Variants in LRRTM4 observed in about 807,000 individuals in gnomAD.
The protein encoded by LRRTM4 is leucine-rich repeat transmembrane neuronal protein 4.
LRRTM4 carries 25 observed loss-of-function variants against 47.6 expected under a neutral mutation model. The observed-to-expected ratio is 0.53, with a 90% CI of 0.38 to 0.73. The LOEUF (loss-of-function observed/expected upper bound fraction) is 0.73, where lower values mean the gene tolerates loss of function less well. Ranked by LOEUF, LRRTM4 falls within the 30% of genes least tolerant of loss-of-function variation. LRRTM4 has a pLI of 0.00. For missense variants in LRRTM4, 638 were observed against 713.4 expected (o/e 0.89, Z 1.20); for synonymous variants, 311 against 269.5 (o/e 1.15, Z -1.51).
At position 77,447,090 on chromosome 2, in the gene LRRTM4, T is replaced by C. The variant is rs528091413; in HGVS notation, c.1551+71228A>G. Reference sequence around the variant, plus strand: ...TATAAGGAATGGGGTCGTTATTGCATATACAATGTGAATGAACATATGTAC... The same window carrying C: ...TATAAGGAATGGGGTCGTTATTGCACATACAATGTGAATGAACATATGTAC... On this transcript the variant is annotated intron_variant, in intron 3 of 3. Transcript: ENST00000409884. 3.5e-4 allele frequency among the ~76,000 whole-genome samples: 54 copies of C among 152,228 alleles called. 1 individual carries two copies. The South Asian group carries it at 9.8e-3, about 27-fold the overall frequency.
chr2:77,211,367 C>T (rs894316651), intron 3 of LRRTM4, among the ~76,000 whole-genome samples: 11 of 152,246 alleles, frequency 7.2e-5, no homozygotes, highest in African/African-American at 2.4e-4. Flanking sequence ...CTTCTCCTAG[C>T]CTCCTAATCA....
Position 76,842,721 on chromosome 2 carries a change from G to GT in LRRTM4, c.1552-93806dup, listed in dbSNP as rs569437708. 2.2e-3 allele frequency among the ~76,000 whole-genome samples: 325 copies of GT among 148,686 alleles called. 5 individuals are homozygous for GT. Among genetic ancestry groups the GT allele is most frequent in the Admixed American group, 0.019 (289 of 15,024 alleles). ...ATTTTCTTTTTTTAACTTTATAAAAGTTTTTTTTTGTTTGTTTGTCTGTTT... is the reference window on the plus strand; with the variant it reads ...ATTTTCTTTTTTTAACTTTATAAAAGTTTTTTTTTTGTTTGTTTGTCTGTTT... On this transcript the variant is annotated intron_variant, in intron 3 of 3. Transcript: ENST00000409884.
At chr2:77,155,459 A>G (rs1015776696) in intron 3 of LRRTM4, among the ~76,000 whole-genome samples, 8 of 151,988 alleles carry the variant, frequency 5.3e-5, no homozygotes, top group African/African-American at 1.4e-4. Flanking sequence ...ATAGAATCAA[A>G]CAAATGATAA....
At chr2:76,859,843 A>C (rs746262983) in intron 3 of LRRTM4, among the ~76,000 whole-genome samples, 24 of 152,282 alleles carry the variant, frequency 1.6e-4, no homozygotes, top group Non-Finnish European at 3.2e-4. Context: ...TAAATATTCC[A>C]ATCTTGTGTA....
chr2:77,145,013 C>T (rs1672217316), intron 3 of LRRTM4, among the ~76,000 whole-genome samples: 1 of 152,050 alleles, frequency 6.6e-6, no homozygotes, highest in Non-Finnish European at 1.5e-5. Flanking sequence ...ATGGGCAGCA[C>T]ACTAAACATA....
chr2:77,257,737 C>A (rs770091023), intron 3 of LRRTM4, among the ~76,000 whole-genome samples: 4 of 151,842 alleles, frequency 2.6e-5, no homozygotes, highest in Admixed American at 6.6e-5. Flanking sequence ...CACACACACA[C>A]ACACACACAC....
chr2:77,098,018 T>C (rs926365164), intron 3 of LRRTM4, among the ~76,000 whole-genome samples: 1 of 151,984 alleles, frequency 6.6e-6, no homozygotes, highest in African/African-American at 2.4e-5. Context: ...TAAAACTTAA[T>C]TGGGAAATAT....
chr2:77,005,391 C>A (rs574898881), intron 3 of LRRTM4, among the ~76,000 whole-genome samples: 2 of 152,288 alleles, frequency 1.3e-5, no homozygotes, highest in East Asian at 1.9e-4. Flanking sequence ...AATCCACCTG[C>A]CTTGGCCTCC....
intron 3 of LRRTM4, among the ~76,000 whole-genome samples, chr2:77,239,958 C>T (rs1467395355): frequency 6.6e-6 from 1 of 151,764 alleles, no homozygotes; most frequent in East Asian, 1.9e-4. Context: ...ACAGAACAAT[C>T]TACTGAATAT....
intron 3 of LRRTM4, among the ~76,000 whole-genome samples, chr2:77,118,785 C>T (rs1190852441): frequency 6.6e-6 from 1 of 151,742 alleles, no homozygotes; most frequent in East Asian, 1.9e-4. Flanking sequence ...ATCCATTTTT[C>T]ACCTTTCAAA....
intron 3 of LRRTM4, among the ~76,000 whole-genome samples, chr2:77,025,699 T>C (rs1480679499): frequency 2.0e-5 from 3 of 152,168 alleles, no homozygotes; most frequent in Admixed American, 6.5e-5. Context: ...TGTAGAATAT[T>C]TCTGGAGCCT....
intron 3 of LRRTM4, among the ~76,000 whole-genome samples, chr2:76,837,924 T>C (rs1671562328): frequency 7.5e-6 from 1 of 133,134 alleles, no homozygotes; most frequent in Admixed American, 8.0e-5. Context: ...CATCACACTC[T>C]GGGGACTGTT....
At chr2:77,015,799 A>AGGAGGATAAGAGAACATTTCT (rs1226413728) in intron 3 of LRRTM4, among the ~76,000 whole-genome samples, 1 of 152,122 alleles carries the variant, frequency 6.6e-6, no homozygotes. Flanking sequence ...ATGCTTACCA[A>AGGAGGATAAGAGAACATTTCT]GGAGGATAAG....
intron 3 of LRRTM4, among the ~76,000 whole-genome samples, chr2:77,365,026 A>G (rs1425359642): frequency 6.6e-6 from 1 of 152,072 alleles, no homozygotes. Context: ...AAACCTCTAC[A>G]TACTAAATTT....
At chr2:77,517,301 A>T in intron 3 of LRRTM4, 1 of 983,620 alleles carries the variant, frequency 1.0e-6, no homozygotes, top group Non-Finnish European at 1.2e-6. Context: ...GTACACCTTT[A>T]TTTGAGGCTG....
intron 3 of LRRTM4, among the ~76,000 whole-genome samples, chr2:77,152,788 AC>A (rs1672464557): frequency 6.6e-6 from 1 of 152,054 alleles, no homozygotes. Flanking sequence ...CTTCTATTTA[AC>A]CCCCACCCTT....
rs11437981 is a variant in LRRTM4 at position 76,748,540 on chromosome 2, G to GT, written c.*154dup. Reference sequence around the variant, plus strand: ...GTGCATTCGCTGCCCTCTTCAAGCAGTTTTTTTTTCTCTTTTTCTTTTCTC... The same window carrying GT: ...GTGCATTCGCTGCCCTCTTCAAGCAGTTTTTTTTTTCTCTTTTTCTTTTCTC... On this transcript the variant is annotated 3_prime_UTR_variant, in exon 4 of 4. Transcript: ENST00000409884. 0.14 allele frequency: 90,278 copies of GT among 628,770 alleles called. 5,341 individuals are homozygous for GT. Among genetic ancestry groups the GT allele is most frequent in the East Asian group, 0.24 (8,318 of 35,310 alleles). 38.9% of individuals were successfully genotyped at this position (628,770 alleles called of 1,614,324 possible). A position where few individuals can be genotyped will look rare whatever the true frequency, so the allele number is the denominator to read the frequency against.
At chr2:76,843,089 T>C (rs1032637628) in intron 3 of LRRTM4, among the ~76,000 whole-genome samples, 2 of 152,134 alleles carry the variant, frequency 1.3e-5, no homozygotes, top group African/African-American at 4.8e-5. Context: ...AGAATGTAGT[T>C]TTGCTTGCTT....
At chr2:76,818,043 G>C (rs1370958185) in intron 3 of LRRTM4, among the ~76,000 whole-genome samples, 1 of 151,952 alleles carries the variant, frequency 6.6e-6, no homozygotes, top group Non-Finnish European at 1.5e-5. Context: ...AGAGGATACA[G>C]ATGGCAATAG....
Sources: allele counts gnomAD v4.1 joint callset (sites outside exome capture counted in the v4.1 genomes callset), GRCh38; gene constraint gnomAD v4.1.1; transcripts MANE v1.5; gene names NCBI Gene and HGNC (gene_info 2026-07-23, HGNC 2026-07-21).